The following HECW1 variants were observed in gnomAD, a reference collection of about 807,000 sequenced individuals.
HECW1 encodes the protein E3 ubiquitin-protein ligase HECW1.
HECW1 carries 61 observed loss-of-function variants against 182.3 expected under a neutral mutation model. The observed-to-expected ratio is 0.33, with a 90% CI of 0.27 to 0.41. The LOEUF (loss-of-function observed/expected upper bound fraction) is 0.41, where lower values mean the gene tolerates loss of function less well. Among genes scored for constraint, HECW1 ranks in the 10% least tolerant of loss-of-function variants. The probability of loss-of-function intolerance (pLI) is 1.00; values close to 1 mark genes in which losing one functional copy is unlikely to be tolerated. For missense variants in HECW1, 1,739 were observed against 2,108.9 expected (o/e 0.82, Z 3.44); for synonymous variants, 859 against 832.6 (o/e 1.03, Z -0.55).
At chr7:43,490,291 A>G (rs182195119) in intron 17 of HECW1, among the ~76,000 whole-genome samples, 2 of 152,072 alleles carry the variant, frequency 1.3e-5, no homozygotes, top group Non-Finnish European at 2.9e-5. Context: ...CCATTCCCCA[A>G]CCGTAAATGC....
At chr7:43,424,764 G>A (rs868369161) in intron 8 of HECW1, among the ~76,000 whole-genome samples, 1 of 152,044 alleles carries the variant, frequency 6.6e-6, no homozygotes, top group Middle Eastern at 3.2e-3. Context: ...GAATTACTGT[G>A]GTTATGCTAT....
At chr7:43,197,734 G>T (rs1794601386) in intron 2 of HECW1, among the ~76,000 whole-genome samples, 1 of 152,110 alleles carries the variant, frequency 6.6e-6, no homozygotes. Flanking sequence ...GGGGGACTCT[G>T]ACGAACACAG....
intron 5 of HECW1, among the ~76,000 whole-genome samples, chr7:43,347,614 GA>G (rs1483043210): frequency 6.6e-6 from 1 of 152,060 alleles, no homozygotes; most frequent in Admixed American, 6.6e-5. Flanking sequence ...TTCTCGGAGG[GA>G]CTGCTTTCAA....
intron 2 of HECW1, chr7:43,194,525 T>A (rs530849119): frequency 6.6e-6 from 1 of 152,302 alleles, no homozygotes; most frequent in Non-Finnish European, 1.5e-5. Flanking sequence ...CCTGTGTGTG[T>A]GCTCCCTGGA....
At chr7:43,370,335 C>T (rs1420042373) in intron 6 of HECW1, among the ~76,000 whole-genome samples, 1 of 152,054 alleles carries the variant, frequency 6.6e-6, no homozygotes, top group Non-Finnish European at 1.5e-5. Flanking sequence ...AGCCAAAATC[C>T]AAACACTAAC....
chr7:43,316,629 A>G (rs1809285967), intron 4 of HECW1, among the ~76,000 whole-genome samples: 1 of 151,992 alleles, frequency 6.6e-6, no homozygotes, highest in Non-Finnish European at 1.5e-5. Flanking sequence ...TATTGCTCCC[A>G]CAAAGAGGCT....
chr7:43,370,010 G>C (rs1368397186), intron 6 of HECW1, among the ~76,000 whole-genome samples: 1 of 152,128 alleles, frequency 6.6e-6, no homozygotes, highest in African/African-American at 2.4e-5. Context: ...TTTTAGGGGG[G>C]AAAAATGCAA....
At chr7:43,180,405 A>AT (rs140197154) in intron 2 of HECW1, among the ~76,000 whole-genome samples, 7,450 of 151,300 alleles carry the variant, frequency 0.049, 264 homozygotes, top group East Asian at 0.15. Flanking sequence ...TTGTATTTTT[A>AT]TTTTTTTTGA....
chr7:43,533,198 A>G (rs1194639694), intron 24 of HECW1, among the ~76,000 whole-genome samples: 2 of 152,040 alleles, frequency 1.3e-5, no homozygotes, highest in Non-Finnish European at 2.9e-5. Flanking sequence ...GAAAGCAAAC[A>G]TCAACAGTGC....
chr7:43,131,132 G>A (rs1786869823), intron 2 of HECW1, among the ~76,000 whole-genome samples: 1 of 152,138 alleles, frequency 6.6e-6, no homozygotes, highest in Non-Finnish European at 1.5e-5. Flanking sequence ...TGGGCGTGGT[G>A]GCACACGCGT....
intron 2 of HECW1, among the ~76,000 whole-genome samples, chr7:43,185,827 ATTTAAT>A (rs754514647): frequency 6.6e-6 from 1 of 152,182 alleles, no homozygotes; most frequent in African/African-American, 2.4e-5. Context: ...CTTTAATATA[ATTTAAT>A]TTTAAGTTAT....
At chr7:43,408,661 G>A (rs1426502444) in intron 8 of HECW1, among the ~76,000 whole-genome samples, 1 of 152,088 alleles carries the variant, frequency 6.6e-6, no homozygotes, top group East Asian at 1.9e-4. Flanking sequence ...ACTCCAACCT[G>A]GGTGACAGAG....
intron 24 of HECW1, among the ~76,000 whole-genome samples, chr7:43,538,029 T>G (rs1263396658): frequency 6.6e-6 from 1 of 152,186 alleles, no homozygotes; most frequent in Admixed American, 6.5e-5. Flanking sequence ...TGCAAAGTGG[T>G]CCTTGCTGCA....
chr7:43,441,347 G>A (rs1202606456), intron 9 of HECW1, among the ~76,000 whole-genome samples: 4 of 152,168 alleles, frequency 2.6e-5, no homozygotes, highest in South Asian at 2.1e-4. Flanking sequence ...TTCAGCCCAC[G>A]AGTCTTGCTC....
At chr7:43,121,897 G>A (rs1247052883) in intron 2 of HECW1, 1 of 152,164 alleles carries the variant, frequency 6.6e-6, no homozygotes, top group African/African-American at 2.4e-5. Context: ...TGCCTCAGCA[G>A]GTACTTCTTT....
At chr7:43,431,340 A>G (rs1223427757) in intron 8 of HECW1, among the ~76,000 whole-genome samples, 3 of 152,122 alleles carry the variant, frequency 2.0e-5, no homozygotes, top group Non-Finnish European at 4.4e-5. Flanking sequence ...TCAGTCATTC[A>G]GCCCCTCTCT....
chr7:43,383,026 G>T (rs1427668918), intron 6 of HECW1, among the ~76,000 whole-genome samples: 2 of 152,136 alleles, frequency 1.3e-5, no homozygotes, highest in African/African-American at 4.8e-5. Context: ...GTGAGAACAT[G>T]TGGTGTTTGG....
chr7:43,487,349 A>T (rs547128920), intron 17 of HECW1, among the ~76,000 whole-genome samples: 3 of 152,358 alleles, frequency 2.0e-5, no homozygotes, highest in African/African-American at 4.8e-5. Flanking sequence ...CTGGAGAGCT[A>T]AATGTTTGAA....
At chr7:43,500,314 G>A (rs1325184689) in intron 19 of HECW1, among the ~76,000 whole-genome samples, 2 of 152,004 alleles carry the variant, frequency 1.3e-5, no homozygotes, top group Non-Finnish European at 2.9e-5. Flanking sequence ...TCCTCAGGCT[G>A]GTCTTGAACT....
Sources: allele counts gnomAD v4.1 joint callset (sites outside exome capture counted in the v4.1 genomes callset), GRCh38; gene constraint gnomAD v4.1.1; transcripts MANE v1.5; gene names NCBI Gene and HGNC (gene_info 2026-07-23, HGNC 2026-07-21).